Variants in RHOH observed in about 807,000 individuals in gnomAD.
RHOH encodes the protein ras homolog family member H.
A neutral mutation model predicts 13.8 loss-of-function variants in RHOH; 6 were observed. The observed-to-expected ratio is 0.44, with a 90% CI of 0.24 to 0.86. RHOH has a LOEUF of 0.86. RHOH is among the 40% of genes least tolerant of loss of function. RHOH has a pLI of 0.24. For synonymous variants in RHOH, 117 were observed against 103.0 expected (o/e 1.14, Z -0.82); for missense variants, 147 against 244.5 (o/e 0.60, Z 2.66).
upstream of RHOH, among the ~76,000 whole-genome samples, chr4:40,195,015 C>A (rs775220999): frequency 6.6e-6 from 1 of 152,096 alleles, no homozygotes; most frequent in African/African-American, 2.4e-5. Flanking sequence ...GTTTCTCCCG[C>A]GGGCAATGAG....
intron 1 of RHOH, among the ~76,000 whole-genome samples, chr4:40,202,811 T>C (rs769991707): frequency 5.3e-5 from 8 of 152,052 alleles, no homozygotes; most frequent in Non-Finnish European, 1.0e-4. Context: ...GAAGGTTTCT[T>C]AGGAAGAGAC....
chr4:40,195,780 G>A (rs930379455), upstream of RHOH, among the ~76,000 whole-genome samples: 1 of 152,210 alleles, frequency 6.6e-6, no homozygotes, highest in African/African-American at 2.4e-5. Flanking sequence ...AGGAGATAAT[G>A]TGCTCTTCAG....
chr4:40,210,008 G>A (rs773784387), intron 1 of RHOH, among the ~76,000 whole-genome samples: 72 of 151,754 alleles, frequency 4.7e-4, no homozygotes, highest in Admixed American at 9.2e-4. Flanking sequence ...AAGTTGATTC[G>A]TTTAGTGAAA....
chr4:40,200,690 G>C (rs1409071090), intron 1 of RHOH: 1 of 152,214 alleles, frequency 6.6e-6, no homozygotes, highest in Non-Finnish European at 1.5e-5. Flanking sequence ...CGGGAGCGGG[G>C]TGACTGGGTC....
chr4:40,216,866 G>A (rs1725956555), intron 1 of RHOH, among the ~76,000 whole-genome samples: 1 of 152,290 alleles, frequency 6.6e-6, no homozygotes, highest in South Asian at 2.1e-4. Context: ...ATTAGAAGAT[G>A]ATCTTTCAGA....
At chr4:40,197,635 T>A (rs1055067154) in intron 1 of RHOH, among the ~76,000 whole-genome samples, 3 of 152,186 alleles carry the variant, frequency 2.0e-5, no homozygotes, top group African/African-American at 7.2e-5. Context: ...TTTGATGAAG[T>A]AAATCTAAAG....
rs549022958 is a variant in RHOH, at chr4:40,218,727, G to A, written c.-331+21427G>A. ...AACATGAACTACCAGCCTTGGAGGG[G>A]CCCTGAGAGCCCATCTAGTTCAATG... On this transcript the variant is annotated intron_variant, in intron 1 of 2. Transcript: ENST00000381799. The surrounding 1 kb of genome is among the most constrained non-coding windows in gnomAD (Gnocchi z 4.1). Among the ~76,000 whole-genome samples, 2 of 152,270 alleles carry A rather than the reference G, an allele frequency of 1.3e-5. No individual in the cohort carries two copies. Among genetic ancestry groups the A allele is most frequent in the East Asian group, 3.9e-4 (2 of 5,176 alleles).
intron 1 of RHOH, among the ~76,000 whole-genome samples, chr4:40,226,967 T>G (rs866750283): frequency 3.3e-5 from 5 of 152,300 alleles, no homozygotes; most frequent in Middle Eastern, 6.8e-3. Context: ...GAGACCAGCC[T>G]GGCCAACATG....
At chr4:40,235,125 A>G (rs893890473) in intron 1 of RHOH, 6 of 152,214 alleles carry the variant, frequency 3.9e-5, no homozygotes, top group Admixed American at 6.5e-5. Context: ...ACTTGAGAAG[A>G]TGTTCACCAC....
intron 1 of RHOH, among the ~76,000 whole-genome samples, chr4:40,199,500 C>G (rs750160773): frequency 1.3e-5 from 2 of 152,060 alleles, no homozygotes; most frequent in African/African-American, 4.8e-5. Context: ...ACTTGGAAAC[C>G]GCTATTTTAA....
chr4:40,201,150 A>C (rs1202720008), intron 1 of RHOH, among the ~76,000 whole-genome samples: 2 of 152,204 alleles, frequency 1.3e-5, no homozygotes, highest in Non-Finnish European at 2.9e-5. Context: ...TGATTGAATC[A>C]TTTGTATACA....
In RHOH at chr4:40,243,509, A is replaced by C. The variant is rs774667804; in HGVS notation, c.123A>C (p.Thr41=). ...ACAAGCCCACAGTGTACGAGAACAC[A>C]GGGGTGGACGTCTTCATGGATGGCA... ...EAYKPTVYEN[T]GVDVFMDGIQ... Residue 41 remains threonine (T), a synonymous_variant, in exon 3 of 3, where the codon ACA becomes ACC. Coordinates refer to ENST00000381799, the MANE Select transcript of RHOH (RefSeq NM_004310.5). This position sits in a 1 kb window ranked among gnomAD's most constrained non-coding sequence, Gnocchi z 6.2. 1 of 1,613,826 alleles carries C rather than the reference A, an allele frequency of 6.2e-7. No individual in the cohort carries two copies.
chr4:40,194,278 G>T (rs1426634359), upstream of RHOH, among the ~76,000 whole-genome samples: 1 of 151,928 alleles, frequency 6.6e-6, no homozygotes, highest in Non-Finnish European at 1.5e-5. Context: ...GCCCAGGCTG[G>T]AGTGCAGTGG....
chr4:40,221,143 G>C (rs1726506473), intron 1 of RHOH, among the ~76,000 whole-genome samples: 1 of 152,182 alleles, frequency 6.6e-6, no homozygotes, highest in African/African-American at 2.4e-5. Context: ...TGAAAGGTGA[G>C]CTGAGAATTC....
intron 1 of RHOH, among the ~76,000 whole-genome samples, chr4:40,223,390 C>T (rs115366306): frequency 0.026 from 3,939 of 151,784 alleles, 89 homozygotes; most frequent in Middle Eastern, 0.048. Flanking sequence ...GCAGCAACCA[C>T]TACCCTGATC....
chr4:40,209,473 T>C (rs1350931658), intron 1 of RHOH: 1 of 152,204 alleles, frequency 6.6e-6, no homozygotes, highest in Non-Finnish European at 1.5e-5. Context: ...TGAGACAGGA[T>C]GTCACTCTGT....
chr4:40,245,818 T>G lies in RHOH; in HGVS notation c.*1856T>G, dbSNP rs762752616. 4 of 152,200 alleles carry G rather than the reference T, an allele frequency of 2.6e-5. No individual in the cohort carries two copies. Among genetic ancestry groups the G allele is most frequent in the Non-Finnish European group, 5.9e-5 (4 of 68,050 alleles). 9.4% of individuals were successfully genotyped at this position (152,200 alleles called of 1,614,324 possible). On this transcript the variant is annotated 3_prime_UTR_variant, in exon 3 of 3. Transcript: ENST00000381799. ...TATAATCAGTATCAAAAACCAAATGTGTGCTCATTCACACATTGCTTTCTC... is the reference window on the plus strand; with the variant it reads ...TATAATCAGTATCAAAAACCAAATGGGTGCTCATTCACACATTGCTTTCTC...
intron 1 of RHOH, among the ~76,000 whole-genome samples, chr4:40,213,055 G>A (rs1204238744): frequency 1.3e-5 from 2 of 152,194 alleles, no homozygotes; most frequent in African/African-American, 4.8e-5. Flanking sequence ...TTAGAAGTGA[G>A]AGGCCCAGAA....
Position 40,245,925 on chromosome 4 carries a change from C to G in RHOH, c.*1963C>G, listed in dbSNP as rs183128212. ...CTCTGGTGGGAGGATTGCCTCGGTT[C>G]CCTGGGGCTGACACAGCTGCCTTCA... On this transcript the variant is annotated 3_prime_UTR_variant, in exon 3 of 3. Transcript: ENST00000381799. The G allele has an allele frequency of 9.0e-3, 1,369 of 152,336 alleles. 1 individual carries two copies. Among genetic ancestry groups the G allele is most frequent in the Non-Finnish European group, 0.015 (1,033 of 68,086 alleles). 9.4% of individuals were successfully genotyped at this position (152,336 alleles called of 1,614,324 possible). A position where few individuals can be genotyped will look rare whatever the true frequency, so the allele number is the denominator to read the frequency against.
Sources: allele counts gnomAD v4.1 joint callset (sites outside exome capture counted in the v4.1 genomes callset), GRCh38; gene constraint gnomAD v4.1.1; non-coding constraint Gnocchi (gnomAD v3.1); transcripts MANE v1.5; gene names NCBI Gene and HGNC (gene_info 2026-07-23, HGNC 2026-07-21).